The following CUL3 variants were observed in gnomAD, a reference collection of about 807,000 sequenced individuals.
The protein encoded by CUL3 is cullin-3.
CUL3 carries 19 observed loss-of-function variants against 89.1 expected under a neutral mutation model. The ratio of observed to expected loss-of-function variants is 0.21; its 90% confidence interval spans 0.15 to 0.31. The LOEUF (loss-of-function observed/expected upper bound fraction) is 0.31. Ranked by LOEUF, CUL3 falls within the 10% of genes least tolerant of loss-of-function variation. The pLI is 1.00. For synonymous variants in CUL3, 351 were observed against 308.4 expected, an observed-to-expected ratio of 1.14 and a Z score of -1.45; for missense variants, 469 against 942.3, an observed-to-expected ratio of 0.50 and a Z score of 6.58.
chr2:224,543,976 C>T (rs1194471788), intron 2 of CUL3, among the ~76,000 whole-genome samples: 2 of 151,912 alleles, frequency 1.3e-5, no homozygotes, highest in Non-Finnish European at 2.9e-5. Context: ...CAGAGTGAGA[C>T]CCCTCCCATT....
chr2:224,577,907 G>T (rs967806171), intron 1 of CUL3, among the ~76,000 whole-genome samples: 3 of 152,280 alleles, frequency 2.0e-5, no homozygotes, highest in Middle Eastern at 3.4e-3. Context: ...TCACTTTAGA[G>T]CCAGATTGCT....
At chr2:224,493,139 C>T (rs910995136) in intron 13 of CUL3, among the ~76,000 whole-genome samples, 1 of 152,170 alleles carries the variant, frequency 6.6e-6, no homozygotes, top group African/African-American at 2.4e-5. Context: ...CAATCCCTAA[C>T]CCACAGAAAC....
chr2:224,549,115 A>C (rs1226790798), intron 2 of CUL3, among the ~76,000 whole-genome samples: 2 of 152,118 alleles, frequency 1.3e-5, no homozygotes, highest in Admixed American at 6.5e-5. Flanking sequence ...CTAGGAGTTC[A>C]AAACCAGCAT....
intron 3 of CUL3, among the ~76,000 whole-genome samples, chr2:224,530,112 G>A (rs893434964): frequency 8.5e-5 from 13 of 152,106 alleles, no homozygotes; most frequent in East Asian, 1.9e-4. Flanking sequence ...GGTGGCAGGC[G>A]CCTGTAGTCC....
chr2:224,539,639 T>C (rs1694020931), intron 2 of CUL3, among the ~76,000 whole-genome samples: 2 of 152,300 alleles, frequency 1.3e-5, no homozygotes, highest in South Asian at 2.1e-4. Flanking sequence ...AAATGAGCTA[T>C]TAAGCCATGA....
chr2:224,525,307 C>T (rs1335619964), intron 3 of CUL3, among the ~76,000 whole-genome samples: 2 of 152,194 alleles, frequency 1.3e-5, no homozygotes, highest in Admixed American at 1.3e-4. Flanking sequence ...AAATCAAACA[C>T]TGCAAATTCA....
chr2:224,523,683 G>A (rs922533755), intron 3 of CUL3, among the ~76,000 whole-genome samples: 3 of 152,164 alleles, frequency 2.0e-5, no homozygotes, highest in African/African-American at 7.2e-5. Context: ...ATCAACAGAT[G>A]AACAGATAAA....
chr2:224,569,013 A>G (rs1412219360), intron 1 of CUL3, among the ~76,000 whole-genome samples: 2 of 152,226 alleles, frequency 1.3e-5, no homozygotes, highest in Non-Finnish European at 2.9e-5. Flanking sequence ...TCACCTCATC[A>G]ATATGTTAAC....
chr2:224,569,652 C>A, intron 1 of CUL3: 1 of 1,024,488 alleles, frequency 9.8e-7, no homozygotes. Flanking sequence ...TTCAAAATGC[C>A]TGAATTTGAA....
At chr2:224,549,475 C>G (rs1009377041) in intron 2 of CUL3, among the ~76,000 whole-genome samples, 3 of 152,092 alleles carry the variant, frequency 2.0e-5, no homozygotes, top group Non-Finnish European at 4.4e-5. Flanking sequence ...TGGGCTAAAA[C>G]GACCAACTCC....
chr2:224,488,634 CAAAA>C (rs1394097499), intron 13 of CUL3, among the ~76,000 whole-genome samples: 3 of 152,086 alleles, frequency 2.0e-5, no homozygotes, highest in East Asian at 3.9e-4. Flanking sequence ...CCTACCAACC[CAAAA>C]AAGCCCAGGA....
At chr2:224,516,641 C>CTGTTCTT (rs1289461177) in intron 3 of CUL3, among the ~76,000 whole-genome samples, 185 of 149,928 alleles carry the variant, frequency 1.2e-3, no homozygotes, top group African/African-American at 4.4e-3. Context: ...ATGGCTAACA[C>CTGTTCTT]TGTTTTTTGT....
intron 6 of CUL3, among the ~76,000 whole-genome samples, chr2:224,508,776 G>C (rs1028941337): frequency 6.6e-6 from 1 of 151,846 alleles, no homozygotes; most frequent in Non-Finnish European, 1.5e-5. Context: ...TGGCTAACAC[G>C]GTGAAACCCC....
intron 15 of CUL3, among the ~76,000 whole-genome samples, chr2:224,476,908 G>A (rs4674910): frequency 0.19 from 28,118 of 151,936 alleles, 2,951 homozygotes; most frequent in South Asian, 0.27. Context: ...CCTTGAGCCA[G>A]TACCTCAAAG....
In CUL3 at chr2:224,585,132, G is replaced by A; in HGVS notation, c.-123C>T. On this transcript the variant is annotated 5_prime_UTR_variant, in exon 1 of 16. Transcript: ENST00000264414. The stretch of plus-strand genomic sequence containing the variant: ...CGGCGGCGGCGCGACCCCCGGGCAG[G>A]GCTGGGGAGCTGGCCGGCCCCTGGG... 3.1e-6 allele frequency: 2 copies of A among 643,732 alleles called. No individual in the cohort carries two copies. Among genetic ancestry groups the A allele is most frequent in the Non-Finnish European group, 2.1e-6 (1 of 482,676 alleles). 39.9% of individuals were successfully genotyped at this position (643,732 alleles called of 1,614,324 possible).
chr2:224,536,074 A>T (rs1209361649), intron 2 of CUL3, among the ~76,000 whole-genome samples: 1 of 152,196 alleles, frequency 6.6e-6, no homozygotes, highest in Non-Finnish European at 1.5e-5. Context: ...CAGCTCCCTA[A>T]CAAACTGGGT....
intron 13 of CUL3, among the ~76,000 whole-genome samples, chr2:224,484,508 T>C (rs2106157031): frequency 6.6e-6 from 1 of 152,270 alleles, no homozygotes; most frequent in African/African-American, 2.4e-5. Flanking sequence ...ATTTTTATGT[T>C]ATAAGTAATT....
intron 1 of CUL3, among the ~76,000 whole-genome samples, chr2:224,583,657 C>T (rs1208178996): frequency 1.3e-5 from 2 of 152,226 alleles, no homozygotes; most frequent in Admixed American, 6.5e-5. Flanking sequence ...CAGAGGTTTT[C>T]GCACACTGAC....
At chr2:224,569,859 A>C in intron 1 of CUL3, 1 of 974,268 alleles carries the variant, frequency 1.0e-6, no homozygotes, top group East Asian at 1.1e-4. Flanking sequence ...GGTGGGGGAA[A>C]GGGTGAGAAT....
Sources: gnomAD v4.1 joint callset for allele counts (sites outside exome capture counted in the v4.1 genomes callset) on GRCh38, gnomAD v4.1.1 for gene constraint, MANE v1.5 for transcripts, NCBI Gene and HGNC (gene_info 2026-07-23, HGNC 2026-07-21) for gene names.